INPP4B: variants seen among roughly 807,000 people sequenced by gnomAD.
The protein encoded by INPP4B is inositol polyphosphate 4-phosphatase type II.
In INPP4B, 55 loss-of-function variants were observed where a neutral mutation model predicts 122.5. The ratio of observed to expected loss-of-function variants is 0.45; its 90% CI spans 0.36 to 0.56. The LOEUF (loss-of-function observed/expected upper bound fraction) is 0.56. INPP4B is among the 20% of genes least tolerant of loss of function. The pLI, the probability that INPP4B is intolerant of heterozygous loss-of-function variation, is 0.00. For missense variants in INPP4B, 1,000 were observed against 1,097.7 expected, an observed-to-expected ratio of 0.91 and a Z score of 1.26; for synonymous variants, 403 against 388.7, an observed-to-expected ratio of 1.04 and a Z score of -0.43.
chr4:142,787,387 T>A (rs1775909624), intron 1 of INPP4B, among the ~76,000 whole-genome samples: 1 of 152,118 alleles, frequency 6.6e-6, no homozygotes, highest in South Asian at 2.1e-4. Context: ...CTCTTTCTCA[T>A]ATGCTTGCCT....
intron 2 of INPP4B, among the ~76,000 whole-genome samples, chr4:142,607,252 G>A (rs147855102): frequency 4.1e-4 from 63 of 151,898 alleles, no homozygotes; most frequent in African/African-American, 1.4e-3. Flanking sequence ...TGAATGTTGT[G>A]GTACTATATG....
At chr4:142,747,312 C>T (rs1768907262) in intron 1 of INPP4B, among the ~76,000 whole-genome samples, 2 of 151,968 alleles carry the variant, frequency 1.3e-5, no homozygotes, top group Non-Finnish European at 2.9e-5. Context: ...AAATCAAAAC[C>T]ACGATGACAT....
chr4:142,760,869 A>G (rs1771232418), intron 1 of INPP4B, among the ~76,000 whole-genome samples: 1 of 152,124 alleles, frequency 6.6e-6, no homozygotes, highest in Non-Finnish European at 1.5e-5. Context: ...CTCATTCTTT[A>G]CATTTTAGAT....
chr4:142,675,640 T>A (rs374510686), intron 2 of INPP4B, among the ~76,000 whole-genome samples: 1 of 152,280 alleles, frequency 6.6e-6, no homozygotes, highest in East Asian at 1.9e-4. Context: ...ATCAAAAAGC[T>A]TATCCACCAC....
chr4:142,323,789 G>T (rs1166667427), intron 7 of INPP4B, among the ~76,000 whole-genome samples: 1 of 151,238 alleles, frequency 6.6e-6, no homozygotes, highest in Admixed American at 6.6e-5. Flanking sequence ...AAAAGCTCCA[G>T]ATGATACCTT....
chr4:142,484,727 C>A (rs1167653708), intron 2 of INPP4B, among the ~76,000 whole-genome samples: 1 of 151,884 alleles, frequency 6.6e-6, no homozygotes. Context: ...AGCCTAGTAT[C>A]CATTAGTTAT....
At chr4:142,694,147 C>T (rs1216699039) in intron 2 of INPP4B, among the ~76,000 whole-genome samples, 1 of 151,960 alleles carries the variant, frequency 6.6e-6, no homozygotes, top group Non-Finnish European at 1.5e-5. Flanking sequence ...CCGACGCAGG[C>T]AGATCGCTTG....
chr4:142,151,689 T>C (rs1243901559), intron 17 of INPP4B, among the ~76,000 whole-genome samples: 1 of 152,198 alleles, frequency 6.6e-6, no homozygotes, highest in African/African-American at 2.4e-5. Flanking sequence ...CTCAGTACTA[T>C]AGCCAATATT....
intron 2 of INPP4B, among the ~76,000 whole-genome samples, chr4:142,503,883 G>T (rs1012369735): frequency 2.0e-5 from 3 of 151,948 alleles, no homozygotes; most frequent in Admixed American, 6.6e-5. Context: ...TAAATATGCT[G>T]GCACAACTAG....
intron 10 of INPP4B, among the ~76,000 whole-genome samples, chr4:142,265,121 T>G (rs1321802909): frequency 1.3e-5 from 2 of 152,202 alleles, no homozygotes; most frequent in Admixed American, 6.5e-5. Context: ...GCTGGCACCT[T>G]GATCTGGGAC....
In INPP4B at chr4:142,580,358, A is replaced by C. The variant is rs2019024; in HGVS notation, c.-190-117632T>G. Among the ~76,000 whole-genome samples the C allele has an allele frequency of 5.8e-4, 88 of 152,152 alleles. 1 individual carries two copies. Among genetic ancestry groups the C allele is most frequent in the African/African-American group, 2.1e-3 (86 of 41,558 alleles). ...ATCTGTCACATTGTGCTCAGCAAAT[A>C]TTAGCAGTCTTAACATGAAACAACC... is the stretch of plus-strand genomic sequence containing the variant. On this transcript the variant is annotated intron_variant, in intron 2 of 25. Transcript: ENST00000262992.
intron 3 of INPP4B, among the ~76,000 whole-genome samples, chr4:142,461,379 G>A (rs1580125094): frequency 6.6e-6 from 1 of 152,274 alleles, no homozygotes; most frequent in African/African-American, 2.4e-5. Context: ...AGCAATTTGT[G>A]TAGTTTTTCT....
chr4:142,775,720 A>T (rs1773790327), intron 1 of INPP4B, among the ~76,000 whole-genome samples: 1 of 152,024 alleles, frequency 6.6e-6, no homozygotes, highest in Non-Finnish European at 1.5e-5. Flanking sequence ...ATGTCCATTT[A>T]AAAAATCAGA....
intron 7 of INPP4B, among the ~76,000 whole-genome samples, chr4:142,323,086 CA>C (rs535151538): frequency 6.8e-4 from 103 of 152,206 alleles, no homozygotes; most frequent in African/African-American, 2.2e-3. Context: ...AAAGGACACA[CA>C]AAAAAAGTTA....
intron 1 of INPP4B, among the ~76,000 whole-genome samples, chr4:142,830,605 A>G (rs542973518): frequency 6.6e-6 from 1 of 152,178 alleles, no homozygotes; most frequent in African/African-American, 2.4e-5. Flanking sequence ...AAGTGAAGAT[A>G]CTGGAGACAA....
At chr4:142,033,757 C>T (rs1035503697) in intron 25 of INPP4B, among the ~76,000 whole-genome samples, 2 of 148,950 alleles carry the variant, frequency 1.3e-5, no homozygotes, top group Admixed American at 1.4e-4. Flanking sequence ...TTCTATCTCT[C>T]GAGCTCAAGT....
At chr4:142,264,136 G>T (rs1009903706) in intron 10 of INPP4B, among the ~76,000 whole-genome samples, 2 of 152,084 alleles carry the variant, frequency 1.3e-5, no homozygotes, top group African/African-American at 4.8e-5. Flanking sequence ...AAATAGGGTC[G>T]CTTTGTTGCT....
chr4:142,360,144 G>T (rs1442943356), intron 7 of INPP4B, among the ~76,000 whole-genome samples: 1 of 151,832 alleles, frequency 6.6e-6, no homozygotes. Context: ...TAGACCCTGA[G>T]ATCAGAATTC....
chr4:142,191,997 A>G (rs1257138456), intron 15 of INPP4B, among the ~76,000 whole-genome samples: 1 of 152,104 alleles, frequency 6.6e-6, no homozygotes, highest in African/African-American at 2.4e-5. Flanking sequence ...GCACCAAAAA[A>G]CAAATTTTAT....
Sources: gnomAD v4.1 joint callset for allele counts (sites outside exome capture counted in the v4.1 genomes callset) on GRCh38, gnomAD v4.1.1 for gene constraint, MANE v1.5 for transcripts, NCBI Gene and HGNC (gene_info 2026-07-23, HGNC 2026-07-21) for gene names.